The following BCAN variants were observed in gnomAD, a reference collection of about 807,000 sequenced individuals.
The protein encoded by BCAN is brevican core protein.
A neutral mutation model predicts 92.4 loss-of-function variants in BCAN; 51 were observed. The observed-to-expected ratio is 0.55, with a 90% confidence interval of 0.44 to 0.70. The LOEUF (loss-of-function observed/expected upper bound fraction) is 0.70, where lower values mean the gene tolerates loss of function less well. BCAN is among the 30% of genes least tolerant of loss of function. The probability of loss-of-function intolerance (pLI) is 0.00; values close to 1 mark genes in which losing one functional copy is unlikely to be tolerated. For synonymous variants in BCAN, 501 were observed against 505.2 expected, an observed-to-expected ratio of 0.99 and a Z score of 0.11; for missense variants, 1,140 against 1,212.1, an observed-to-expected ratio of 0.94 and a Z score of 0.88.
At chr1:156,655,803 T>C (rs1571450769) in intron 8 of BCAN, among the ~76,000 whole-genome samples, 1 of 152,318 alleles carries the variant, frequency 6.6e-6, no homozygotes. Flanking sequence ...TTCACTTCCA[T>C]TCATTCCACC....
rs780063981 is a variant in BCAN at position 156,648,832 on chromosome 1, A to C, written c.1034A>C (p.His345Pro). ...FPNQTGFPNK[H>P]SRFNVYCFRD... is the part of the protein sequence containing the mutation. ...AACCAGACTGGCTTCCCCAATAAGC[A>C]CAGCCGCTTCAACGTCTACTGCTTC... The change falls in exon 6 of 14, where the codon CAC (histidine) becomes CCC (proline). Residue 345 changes from histidine (H) to proline (P), a missense_variant. His to Pro is a moderately conservative substitution (Grantham distance 77). This residue lies in a region of BCAN where 825 missense variants were observed against 871.8 expected (regional missense o/e 0.95). Transcript: ENST00000329117. 1 of 1,579,070 alleles carries C rather than the reference A, an allele frequency of 6.3e-7. No homozygotes were observed. The highest frequency in any genetic ancestry group is 1.3e-5 in the African/African-American group (1 of 74,486).
rs749513252 is a variant in BCAN, at chr1:156,647,421, C to T, written c.467-87C>T. The T allele has an allele frequency of 2.3e-5, 31 of 1,364,654 alleles. No homozygotes were observed. Among genetic ancestry groups the T allele is most frequent in the African/African-American group, 7.3e-5 (5 of 68,460 alleles). 84.5% of individuals were successfully genotyped at this position (1,364,654 alleles called of 1,614,324 possible). A position where few individuals can be genotyped will look rare whatever the true frequency, so the allele number is the denominator to read the frequency against. ...TGAGCACAATTGAACTTTATTTACC[C>T]TTGTGTACAGAGGAGTGACAAGGAG... On this transcript the variant is annotated intron_variant, in intron 3 of 13. Coordinates refer to ENST00000329117, the MANE Select transcript of BCAN (RefSeq NM_021948.5). The surrounding 1 kb of genome is among the most constrained non-coding windows in gnomAD (Gnocchi z 4.8).
At position 156,647,552 on chromosome 1, in the gene BCAN, T is replaced by C; in HGVS notation, c.511T>C (p.Ser171Pro). ...YREGSARYAF[S>P]FSGAQEACAR... ...AGAGGGCTCTGCCCGCTATGCTTTCTCCTTTTCTGGGGCCCAGGAGGCCTG... is the reference window on the plus strand; with the variant it reads ...AGAGGGCTCTGCCCGCTATGCTTTCCCCTTTTCTGGGGCCCAGGAGGCCTG... Residue 171 changes from serine to proline, a missense_variant, in exon 4 of 14, where the codon TCC becomes CCC. Physicochemically the swap from Ser to Pro is moderately conservative, Grantham distance 74. This residue lies in a region of BCAN where 286 missense variants were observed against 284.1 expected (regional missense o/e 1.01). Coordinates refer to ENST00000329117, the MANE Select transcript of BCAN (RefSeq NM_021948.5). The surrounding 1 kb of genome is among the most constrained non-coding windows in gnomAD (Gnocchi z 4.8). 6.2e-7 allele frequency: 1 copy of C among 1,607,736 alleles called. No homozygotes were observed. The highest frequency in any genetic ancestry group is 8.5e-7 in the Non-Finnish European group (1 of 1,177,548).
Position 156,657,769 on chromosome 1 carries a change from C to T in BCAN, c.2292+12C>T. 1 of 1,603,274 alleles carries T rather than the reference C, an allele frequency of 6.2e-7. No individual in the cohort carries two copies. The highest frequency in any genetic ancestry group is 8.5e-7 in the Non-Finnish European group (1 of 1,175,094). On this transcript the variant is annotated intron_variant, in intron 11 of 13. Transcript: ENST00000329117. ...ATGGCGTCCCCCTGGTGAGAGGCCC[C>T]AGTCGAACCCCGCCGTCTAGCTCAC...
rs1418896280 is a variant in BCAN at position 156,647,632 on chromosome 1, T to C, written c.591T>C (p.Leu197=). ...ATPEQLYAAY[L]GGYEQCDAGW... ...CGGAGCAGCTCTATGCCGCCTACCTTGGGGGCTATGAGCAATGTGATGCTG... is the reference window on the plus strand; with the variant it reads ...CGGAGCAGCTCTATGCCGCCTACCTCGGGGGCTATGAGCAATGTGATGCTG... The change falls in exon 4 of 14, where the codon CTT becomes CTC. Residue 197 remains leucine (L), a synonymous_variant. Transcript: ENST00000329117. This position sits in a 1 kb window ranked among gnomAD's most constrained non-coding sequence, Gnocchi z 4.8. 1 of 1,611,442 alleles carries C rather than the reference T, an allele frequency of 6.2e-7. No homozygotes were observed. Among genetic ancestry groups the C allele is most frequent in the African/African-American group, 1.3e-5 (1 of 74,944 alleles).
At chr1:156,645,992 G>A (rs1273776914) in intron 1 of BCAN, 55 bp from the exon 2 acceptor site, 4 of 1,486,592 alleles carry the variant, frequency 2.7e-6, no homozygotes. Context: ...GGGAGCAGGG[G>A]GGAAGTCCAT....
At position 156,652,830 on chromosome 1, in the gene BCAN, C is replaced by T. The variant is rs1679220001; in HGVS notation, c.1880C>T (p.Ala627Val). The T allele has an allele frequency of 1.2e-6, 2 of 1,613,796 alleles. No homozygotes were observed. The highest frequency in any genetic ancestry group is 2.7e-5 in the African/African-American group (2 of 74,928). The change falls in exon 8 of 14, where the codon GCC (alanine) becomes GTC (valine). Residue 627 changes from alanine (A) to valine (V), a missense_variant. By Grantham distance (64) the Ala-to-Val change is moderately conservative. Transcript: ENST00000329117. ...GCCCCAGCAGGGACCTCAGTGCAGG[C>T]CCAGCCAGTGCTGCCCACTGACAGC... ...RTAPAGTSVQ[A>V]QPVLPTDSAS...
chr1:156,654,381 G>A (rs1260379757), intron 8 of BCAN, among the ~76,000 whole-genome samples: 1 of 152,198 alleles, frequency 6.6e-6, no homozygotes, highest in Non-Finnish European at 1.5e-5. Flanking sequence ...GTGGGGGATA[G>A]GGAGGGGGTT....
chr1:156,651,600 G>A lies in BCAN; in HGVS notation c.1208G>A (p.Gly403Glu), dbSNP rs1557989226. 1 of 1,613,900 alleles carries A rather than the reference G, an allele frequency of 6.2e-7. No individual in the cohort carries two copies. Among genetic ancestry groups the A allele is most frequent in the Admixed American group, 1.7e-5 (1 of 60,010 alleles). ...GAAGCCACAGAGAGTGAATCCCGTG[G>A]GGCCATCTACTCCATCCCCATCATG... ...PQEATESESR[G>E]AIYSIPIMED... is the part of the protein sequence containing the mutation. The change falls in exon 7 of 14, where the codon GGG becomes GAG. Residue 403 changes from glycine (G) to glutamate (E), a missense_variant. Coordinates refer to ENST00000329117, the MANE Select transcript of BCAN (RefSeq NM_021948.5).
chr1:156,646,765 C>T (rs1678987285), intron 2 of BCAN, 36 bp from the exon 3 acceptor site: 1 of 1,513,994 alleles, frequency 6.6e-7, no homozygotes, highest in Non-Finnish European at 8.8e-7. Context: ...TGAGGGTCGA[C>T]AGCGTTAAGT....
At chr1:156,643,365 C>T (rs1678851424) in intron 1 of BCAN, 1 of 152,178 alleles carries the variant, frequency 6.6e-6, no homozygotes, top group Non-Finnish European at 1.5e-5. Flanking sequence ...ATTGCAATTA[C>T]TTCTACAGGC....
intron 5 of BCAN, 121 bp from the exon 6 acceptor site, chr1:156,648,447 A>G: frequency 1.5e-5 from 16 of 1,064,524 alleles, no homozygotes; most frequent in Non-Finnish European, 2.2e-5. Flanking sequence ...TATGAAGTAG[A>G]GTAGTTGACT....
chr1:156,646,960 G>T lies in BCAN; in HGVS notation c.251G>T (p.Arg84Leu), dbSNP rs780551192. 1.2e-6 allele frequency: 2 copies of T among 1,612,760 alleles called. No homozygotes were observed. Among genetic ancestry groups the T allele is most frequent in the Non-Finnish European group, 1.7e-6 (2 of 1,179,552 alleles). The part of the protein sequence containing the change: ...SPRVKWTFLS[R>L]GREAEVLVAR... The stretch of plus-strand genomic sequence containing the variant: ...CGGGTCAAGTGGACTTTCCTGTCCC[G>T]GGGCCGGGAGGCAGAGGTGCTGGTG... Residue 84 changes from arginine to leucine, a missense_variant, in exon 3 of 14, where the codon CGG becomes CTG. Physicochemically the swap from Arg to Leu is moderately radical, Grantham distance 102 (BLOSUM62 -2). Transcript: ENST00000329117.
chr1:156,643,736 G>C (rs542446424), intron 1 of BCAN: 97 of 152,318 alleles, frequency 6.4e-4, no homozygotes, highest in African/African-American at 2.1e-3. Context: ...GGGTCAGACA[G>C]AAATGATGTG....
chr1:156,654,189 G>A (rs1242530251), intron 8 of BCAN, among the ~76,000 whole-genome samples: 1 of 152,168 alleles, frequency 6.6e-6, no homozygotes, highest in Non-Finnish European at 1.5e-5. Flanking sequence ...TCAGGTTCTG[G>A]GGTCTGAGAG....
rs1161552211 is a variant in BCAN at position 156,658,366 on chromosome 1, A to G, written c.2437+95A>G. 2.0e-6 allele frequency: 3 copies of G among 1,531,358 alleles called. No individual in the cohort carries two copies. Among genetic ancestry groups the G allele is most frequent in the Non-Finnish European group, 2.7e-6 (3 of 1,128,894 alleles). 94.9% of individuals were successfully genotyped at this position (1,531,358 alleles called of 1,614,324 possible). ...GTTTGTAGACAGAGAGTGCAAAGCAACATAGAGGAGTCAGAACGTGTTCCA... is the reference window on the plus strand; with the variant it reads ...GTTTGTAGACAGAGAGTGCAAAGCAGCATAGAGGAGTCAGAACGTGTTCCA... On this transcript the variant is annotated intron_variant, in intron 12 of 13. Transcript: ENST00000329117. This position sits in a 1 kb window ranked among gnomAD's most constrained non-coding sequence, Gnocchi z 4.4.
intron 8 of BCAN, chr1:156,653,542 G>A (rs1679246424): frequency 2.0e-6 from 2 of 985,146 alleles, no homozygotes; most frequent in African/African-American, 1.7e-5. Context: ...GTCATGGGGA[G>A]CACTTGGATG....
At chr1:156,653,836 A>T (rs1261615677) in intron 8 of BCAN, among the ~76,000 whole-genome samples, 1 of 152,008 alleles carries the variant, frequency 6.6e-6, no homozygotes, top group Non-Finnish European at 1.5e-5. Context: ...TGCAGCCCGG[A>T]GTGCATGTGT....
In BCAN at chr1:156,658,775, C is replaced by A. The variant is rs994656984; in HGVS notation, c.2628+42C>A. 13 of 1,609,796 alleles carry A rather than the reference C, an allele frequency of 8.1e-6. No individual in the cohort carries two copies. In the African/African-American group the frequency reaches 1.7e-4, roughly 22 times the overall value. On this transcript the variant is annotated intron_variant, in intron 13 of 13. Coordinates refer to ENST00000329117, the MANE Select transcript of BCAN (RefSeq NM_021948.5). The surrounding 1 kb of genome is among the most constrained non-coding windows in gnomAD (Gnocchi z 4.4). Reference sequence around the variant, plus strand: ...GGCAGGTGGGAGTGGGAGACAGTAGCCAACAGTAGCCTTGGACTCCACTTA... The same window carrying A: ...GGCAGGTGGGAGTGGGAGACAGTAGACAACAGTAGCCTTGGACTCCACTTA...
Sources: gnomAD v4.1 joint callset for allele counts (sites outside exome capture counted in the v4.1 genomes callset) on GRCh38, gnomAD v4.1.1 for gene constraint, gnomAD v4.1.1 regional missense constraint, Gnocchi (gnomAD v3.1) non-coding constraint, MANE v1.5 for transcripts, NCBI Gene and HGNC (gene_info 2026-07-23, HGNC 2026-07-21) for gene names.